LAMB4: variants seen among roughly 807,000 people sequenced by gnomAD.
LAMB4 encodes laminin subunit beta 4.
A neutral mutation model predicts 199.2 loss-of-function variants in LAMB4; 196 were observed. The observed-to-expected ratio is 0.98, with a 90% CI of 0.88 to 1.11. The LOEUF (loss-of-function observed/expected upper bound fraction) is 1.11. Among genes scored for constraint, LAMB4 ranks in the 50% least tolerant of loss-of-function variants. LAMB4 has a pLI of 0.00. For synonymous variants in LAMB4, 744 were observed against 770.6 expected (o/e 0.97, Z 0.57); for missense variants, 2,080 against 2,171.2 (o/e 0.96, Z 0.83).
intron 31 of LAMB4, among the ~76,000 whole-genome samples, chr7:108,033,841 G>A (rs2035132056): frequency 1.5e-5 from 2 of 137,072 alleles, no homozygotes; most frequent in South Asian, 4.9e-4. Context: ...TTTGGTTTTT[G>A]TGAGCTTTTA....
At position 108,047,910 on chromosome 7, in the gene LAMB4, G is replaced by C; in HGVS notation, c.4324C>G (p.Gln1442Glu). ...LDKQVRGLKN[Q>E]IESISEQAEV... Reference sequence around the variant, plus strand: ...ATAAAGCAAGAGAAGATATTTACCTGATTTTTCAACCCACGAACCTGTTTG... The same window carrying C: ...ATAAAGCAAGAGAAGATATTTACCTCATTTTTCAACCCACGAACCTGTTTG... Residue 1442 changes from glutamine to glutamate, a missense_variant and splice_region_variant, in exon 28 of 34, where the codon CAG (glutamine) becomes GAG (glutamate). Transcript: ENST00000388781. 1.2e-6 allele frequency: 2 copies of C among 1,612,664 alleles called. No individual in the cohort carries two copies. The highest frequency in any genetic ancestry group is 1.7e-6 in the Non-Finnish European group (2 of 1,178,732).
chr7:108,028,984 T>C, intron 33 of LAMB4, 59 bp downstream of exon 33: 2 of 1,450,942 alleles, frequency 1.4e-6, no homozygotes, highest in Non-Finnish European at 1.9e-6. Flanking sequence ...ATTCTACTAG[T>C]AAGGTAGAGT....
At position 108,127,551 on chromosome 7, in the gene LAMB4, G is replaced by A. The variant is rs75670448; in HGVS notation, c.-34+2755C>T. Among the ~76,000 whole-genome samples the A allele has an allele frequency of 2.5e-3, 374 of 152,152 alleles. 10 individuals carry two copies. In the East Asian group the frequency reaches 0.059, roughly 24 times the overall value. On this transcript the variant is annotated intron_variant, in intron 1 of 33. Transcript: ENST00000388781. Reference sequence around the variant, plus strand: ...ATTCTCATTGCAAATCCCCAGGTTCGGCAATCTCTCTCAGAACCAGGCAAA... The same window carrying A: ...ATTCTCATTGCAAATCCCCAGGTTCAGCAATCTCTCTCAGAACCAGGCAAA...
intron 33 of LAMB4, among the ~76,000 whole-genome samples, chr7:108,028,624 C>T (rs777702674): frequency 1.3e-5 from 2 of 151,570 alleles, no homozygotes; most frequent in Non-Finnish European, 2.9e-5. Context: ...TTACAGGCAC[C>T]CACCACCACG....
At chr7:108,078,171 T>C (rs2036776833) in intron 16 of LAMB4, 30 bp downstream of exon 16, 1 of 1,397,306 alleles carries the variant, frequency 7.2e-7, no homozygotes, top group Middle Eastern at 1.8e-4. Flanking sequence ...TAAGAAGCTT[T>C]CAATGTTTGA....
At chr7:108,050,515 A>C (rs572261868) in intron 26 of LAMB4, among the ~76,000 whole-genome samples, 1 of 152,312 alleles carries the variant, frequency 6.6e-6, no homozygotes, top group Admixed American at 6.5e-5. Flanking sequence ...TTGTGAAAGT[A>C]ATAAGGTATG....
At chr7:108,096,899 G>A (rs1383174603) in intron 11 of LAMB4, among the ~76,000 whole-genome samples, 1 of 119,072 alleles carries the variant, frequency 8.4e-6, no homozygotes, top group Admixed American at 1.1e-4. Context: ...TTGTGCCACT[G>A]TAAGCCAGCC....
Position 108,106,561 on chromosome 7 carries a change from T to C in LAMB4, c.603A>G (p.Lys201=). 1 of 1,558,600 alleles carries C rather than the reference T, an allele frequency of 6.4e-7. No individual in the cohort carries two copies. The highest frequency in any genetic ancestry group is 8.8e-7 in the Non-Finnish European group (1 of 1,131,454). The change falls in exon 7 of 34, where the codon AAA becomes AAG. Residue 201 remains lysine (K), a synonymous_variant. Coordinates refer to ENST00000388781, the MANE Select transcript of LAMB4 (RefSeq NM_007356.3). ...EPSTGGEVVL[K]VLDPSFEIEN... ...CAATTTCAAAACTGGGATCCAAAAC[T>C]TTTAAAACAACCTGTAAAACAAATA...
Position 108,107,100 on chromosome 7 carries a change from C to A in LAMB4, c.592-528G>T, listed in dbSNP as rs561842522. On this transcript the variant is annotated intron_variant, in intron 6 of 33. Transcript: ENST00000388781. ...TGCTGGGTTGGGATGGAGTGACAGACAATTTGGCAAGCCATGATCAATTTG... is the reference window on the plus strand; with the variant it reads ...TGCTGGGTTGGGATGGAGTGACAGAAAATTTGGCAAGCCATGATCAATTTG... 4.6e-5 allele frequency among the ~76,000 whole-genome samples: 7 copies of A among 152,290 alleles called. No homozygotes were observed. In the South Asian group the frequency reaches 1.5e-3, roughly 32 times the overall value.
In LAMB4 at chr7:108,055,870, G is replaced by A. The variant is rs1305093767; in HGVS notation, c.3517C>T (p.Leu1173Phe). Reference protein sequence around the residue: ...RGHSQEFPTCLQCHLCFDQWD... With the variant: ...RGHSQEFPTCFQCHLCFDQWD... ...TGATCAAAGCACAAGTGACATTGAA[G>A]ACAAGTAGGGAATTCCTGGCTGTGT... Residue 1173 changes from leucine (L) to phenylalanine (F), a missense_variant, in exon 25 of 34, where the codon CTT (leucine) becomes TTT (phenylalanine). Leu to Phe is a conservative substitution (Grantham distance 22). Transcript: ENST00000388781. 3.7e-6 allele frequency: 6 copies of A among 1,614,056 alleles called. No individual in the cohort carries two copies. Among genetic ancestry groups the A allele is most frequent in the Non-Finnish European group, 4.2e-6 (5 of 1,180,052 alleles).
chr7:108,063,867 G>C lies in LAMB4; in HGVS notation c.2955C>G (p.Ser985Arg), dbSNP rs1433376832. 6.2e-7 allele frequency: 1 copy of C among 1,614,198 alleles called. No homozygotes were observed. The highest frequency in any genetic ancestry group is 2.2e-5 in the East Asian group (1 of 44,880). ...ATCGAAGGCACTCCCCTGTTACCCGGCTGCAGGACTCTGGATCGGTTACAT... is the reference window on the plus strand; with the variant it reads ...ATCGAAGGCACTCCCCTGTTACCCGCCTGCAGGACTCTGGATCGGTTACAT... ...NIDVTDPESC[S>R]RVTGECLRCL... The change falls in exon 22 of 34, where the codon AGC (serine) becomes AGG (arginine). Residue 985 changes from serine (S) to arginine (R), a missense_variant. Physicochemically the swap from Ser to Arg is moderately radical, Grantham distance 110. Coordinates refer to ENST00000388781, the MANE Select transcript of LAMB4 (RefSeq NM_007356.3).
intron 1 of LAMB4, among the ~76,000 whole-genome samples, chr7:108,129,058 T>C (rs188616541): frequency 6.6e-6 from 1 of 152,348 alleles, no homozygotes; most frequent in East Asian, 1.9e-4. Flanking sequence ...TTTCTGGCAT[T>C]GCTAATTTAT....
At chr7:108,053,337 T>C (rs755335923) in intron 25 of LAMB4, among the ~76,000 whole-genome samples, 2 of 152,240 alleles carry the variant, frequency 1.3e-5, no homozygotes, top group African/African-American at 2.4e-5. Context: ...CACCTGGGGT[T>C]CTTTGTCCTC....
chr7:108,032,432 C>T (rs2035071920), intron 31 of LAMB4, among the ~76,000 whole-genome samples: 1 of 151,868 alleles, frequency 6.6e-6, no homozygotes, highest in Admixed American at 6.6e-5. Context: ...CAATTTGTTT[C>T]TTTACACGTC....
At chr7:108,022,664 G>A (rs1288644597), downstream of LAMB4, among the ~76,000 whole-genome samples, 1 of 152,176 alleles carries the variant, frequency 6.6e-6, no homozygotes, top group East Asian at 1.9e-4. Context: ...TTTCTGGGGT[G>A]GTCCTTCCTG....
chr7:108,054,518 T>A (rs1203532244), intron 25 of LAMB4, among the ~76,000 whole-genome samples: 2 of 152,140 alleles, frequency 1.3e-5, no homozygotes, highest in African/African-American at 4.8e-5. Flanking sequence ...TCCAGGACCT[T>A]TTCTTGGGGA....
intron 32 of LAMB4, 71 bp downstream of exon 32, chr7:108,030,735 T>G: frequency 6.9e-7 from 1 of 1,440,532 alleles, no homozygotes; most frequent in Non-Finnish European, 9.6e-7. Context: ...CACAAAAATC[T>G]GGGGTTAAAG....
intron 2 of LAMB4, among the ~76,000 whole-genome samples, chr7:108,121,796 A>C (rs12112239): frequency 0.11 from 17,179 of 151,120 alleles, 3,136 homozygotes; most frequent in African/African-American, 0.38. Flanking sequence ...TTGCACTTTT[A>C]GTGAAGTTCC....
intron 14 of LAMB4, among the ~76,000 whole-genome samples, chr7:108,084,784 C>CT (rs745640979): frequency 0.081 from 7,835 of 96,518 alleles, 394 homozygotes; most frequent in African/African-American, 0.12. Flanking sequence ...CCAAGGAATC[C>CT]TTTTTTTTTT....
Sources: allele counts gnomAD v4.1 joint callset (sites outside exome capture counted in the v4.1 genomes callset), GRCh38; gene constraint gnomAD v4.1.1; transcripts MANE v1.5; gene names NCBI Gene and HGNC (gene_info 2026-07-23, HGNC 2026-07-21).